PXDN: variants seen among roughly 807,000 people sequenced by gnomAD.
PXDN encodes peroxidasin.
In PXDN, 77 loss-of-function variants were observed where a neutral mutation model predicts 140.3. That is an observed-to-expected ratio of 0.55 (90% confidence interval 0.46 to 0.66). PXDN has a LOEUF of 0.66. Ranked by LOEUF, PXDN falls within the 30% of genes least tolerant of loss-of-function variation. PXDN has a pLI of 0.00. For synonymous variants in PXDN, 911 were observed against 857.4 expected, an observed-to-expected ratio of 1.06 and a Z score of -1.09; for missense variants, 1,838 against 2,039.5, an observed-to-expected ratio of 0.90 and a Z score of 1.90.
intron 19 of PXDN, among the ~76,000 whole-genome samples, chr2:1,640,386 C>T (rs944020224): frequency 7.2e-5 from 11 of 152,216 alleles, no homozygotes; most frequent in African/African-American, 2.7e-4. Flanking sequence ...AGAAGAGGCA[C>T]GTGCAGCATA....
intron 3 of PXDN, among the ~76,000 whole-genome samples, chr2:1,689,089 A>G (rs1684129139): frequency 6.6e-6 from 1 of 152,042 alleles, no homozygotes; most frequent in South Asian, 2.1e-4. Context: ...GAGGCCTGGC[A>G]AGGCTGTTAC....
chr2:1,658,054 CTCTCTCTCT>C (rs1394972315), intron 14 of PXDN, among the ~76,000 whole-genome samples: 5 of 130,182 alleles, frequency 3.8e-5, no homozygotes, highest in Non-Finnish European at 8.1e-5. Context: ...CTCTCTCTCT[CTCTCTCTCT>C]CTCTCTCTCT....
At chr2:1,718,848 G>T (rs572681751) in intron 1 of PXDN, among the ~76,000 whole-genome samples, 73 of 152,350 alleles carry the variant, frequency 4.8e-4, no homozygotes, top group African/African-American at 1.7e-3. Context: ...AAATGGCCAG[G>T]GCAGGGCAAG....
At chr2:1,678,829 CG>C (rs1683793089) in intron 7 of PXDN, among the ~76,000 whole-genome samples, 1 of 152,090 alleles carries the variant, frequency 6.6e-6, no homozygotes, top group Non-Finnish European at 1.5e-5. Flanking sequence ...AGTCTGGGTC[CG>C]GGGTGGGGAA....
At chr2:1,720,879 G>A (rs116351506) in intron 1 of PXDN, among the ~76,000 whole-genome samples, 2,707 of 152,128 alleles carry the variant, frequency 0.018, 63 homozygotes, top group African/African-American at 0.058. Context: ...GCCTGACCCA[G>A]GACAGCAGTC....
rs754769048 is a variant in PXDN, at chr2:1,643,513, C to T, written c.3807G>A (p.Ser1269=). Reference sequence around the variant, plus strand: ...CGTTGTCGCATAGGATCCTGGCCAGCGACGTCTGCTTGATCTGAGTCAGCT... The same window carrying T: ...CGTTGTCGCATAGGATCCTGGCCAGTGACGTCTGCTTGATCTGAGTCAGCT... The part of the protein sequence containing the change: ...PAQLTQIKQT[S]LARILCDNAD... Residue 1269 remains serine, a synonymous_variant, in exon 19 of 23, where the codon TCG becomes TCA. Coordinates refer to ENST00000252804, the MANE Select transcript of PXDN (RefSeq NM_012293.3). The T allele has an allele frequency of 9.9e-6, 16 of 1,613,764 alleles. No individual in the cohort carries two copies. Among genetic ancestry groups the T allele is most frequent in the South Asian group, 2.2e-5 (2 of 91,062 alleles).
At chr2:1,729,290 T>C (rs1314003827) in intron 1 of PXDN, among the ~76,000 whole-genome samples, 1 of 152,172 alleles carries the variant, frequency 6.6e-6, no homozygotes, top group Non-Finnish European at 1.5e-5. Flanking sequence ...TTACACAGGC[T>C]GTATTTCCAC....
chr2:1,668,816 T>C lies in PXDN; in HGVS notation c.1019-2330A>G, dbSNP rs569678082. Among the ~76,000 whole-genome samples the C allele has an allele frequency of 2.6e-5, 4 of 152,330 alleles. No individual in the cohort carries two copies. The South Asian group carries it at 8.3e-4, about 32-fold the overall frequency. On this transcript the variant is annotated intron_variant, in intron 9 of 22. Coordinates refer to ENST00000252804, the MANE Select transcript of PXDN (RefSeq NM_012293.3). ...TGGAAACAACAGATGCTGGCGAGGA[T>C]GCAGAGAAATAGGAACATTTTTACG... is the stretch of plus-strand genomic sequence containing the variant.
intron 9 of PXDN, chr2:1,669,906 C>T (rs1157160191): frequency 6.6e-6 from 1 of 152,126 alleles, no homozygotes; most frequent in Non-Finnish European, 1.5e-5. Flanking sequence ...GTCAACCATC[C>T]TTATCTGCCA....
At chr2:1,711,496 G>C (rs1356250459) in intron 1 of PXDN, among the ~76,000 whole-genome samples, 2 of 99,108 alleles carry the variant, frequency 2.0e-5, no homozygotes, top group Non-Finnish European at 4.1e-5. Flanking sequence ...CGCTCCACCA[G>C]CACCCACTCT....
intron 1 of PXDN, among the ~76,000 whole-genome samples, chr2:1,710,454 G>C (rs1572181582): frequency 6.6e-6 from 1 of 151,830 alleles, no homozygotes; most frequent in South Asian, 2.1e-4. Context: ...TGTTAGATGA[G>C]CACCCGTTCC....
At chr2:1,674,054 T>C (rs1199160166) in intron 8 of PXDN, among the ~76,000 whole-genome samples, 1 of 152,232 alleles carries the variant, frequency 6.6e-6, no homozygotes, top group Non-Finnish European at 1.5e-5. Flanking sequence ...GTTCAATCTA[T>C]CTACATGTTT....
chr2:1,678,683 G>A (rs1167310170), intron 7 of PXDN, among the ~76,000 whole-genome samples: 2 of 152,204 alleles, frequency 1.3e-5, no homozygotes, highest in African/African-American at 4.8e-5. Flanking sequence ...GAGCTGCCAA[G>A]CTGGGCAACA....
At chr2:1,728,165 C>T (rs1412754478) in intron 1 of PXDN, among the ~76,000 whole-genome samples, 1 of 152,186 alleles carries the variant, frequency 6.6e-6, no homozygotes, top group African/African-American at 2.4e-5. Flanking sequence ...CTCTAAATCC[C>T]GAGCTCAAGA....
At chr2:1,744,128 T>C in intron 1 of PXDN, 128 bp downstream of exon 1, 1 of 1,005,620 alleles carries the variant, frequency 9.9e-7, no homozygotes, top group Non-Finnish European at 1.3e-6. Context: ...GCGTCCCAAG[T>C]CCCCAGGCCC....
intron 1 of PXDN, among the ~76,000 whole-genome samples, chr2:1,740,679 C>A (rs1056113982): frequency 1.3e-5 from 2 of 152,120 alleles, no homozygotes; most frequent in Non-Finnish European, 2.9e-5. Flanking sequence ...GTCATCTTAC[C>A]ACTCCCAGGA....
At chr2:1,701,012 A>G (rs755628925) in intron 1 of PXDN, among the ~76,000 whole-genome samples, 11 of 152,374 alleles carry the variant, frequency 7.2e-5, no homozygotes, top group South Asian at 2.1e-4. Context: ...GGATGAATAC[A>G]GGACAGAAGC....
At chr2:1,670,506 C>A (rs1008583991) in intron 9 of PXDN, among the ~76,000 whole-genome samples, 5 of 152,004 alleles carry the variant, frequency 3.3e-5, no homozygotes, top group Non-Finnish European at 5.9e-5. Context: ...AGACTTTCTA[C>A]CTTTTTTATA....
chr2:1,710,797 C>T (rs1399547673), intron 1 of PXDN, among the ~76,000 whole-genome samples: 3 of 61,086 alleles, frequency 4.9e-5, no homozygotes, highest in Admixed American at 1.7e-4. Context: ...GCACCCACTC[C>T]ACCAGCACCC....
Sources: gnomAD v4.1 joint callset for allele counts (sites outside exome capture counted in the v4.1 genomes callset) on GRCh38, gnomAD v4.1.1 for gene constraint, MANE v1.5 for transcripts, NCBI Gene and HGNC (gene_info 2026-07-23, HGNC 2026-07-21) for gene names.